Variants in SLC13A3 observed in about 807,000 individuals in gnomAD.
SLC13A3 encodes the protein solute carrier family 13 member 3.
SLC13A3 carries 40 observed loss-of-function variants against 59.0 expected under a neutral mutation model. The observed-to-expected ratio is 0.68, with a 90% CI of 0.53 to 0.88. The LOEUF (loss-of-function observed/expected upper bound fraction) is 0.88. Among genes scored for constraint, SLC13A3 ranks in the 40% least tolerant of loss-of-function variants. SLC13A3 has a pLI of 0.00. For synonymous variants in SLC13A3, 317 were observed against 330.3 expected, an observed-to-expected ratio of 0.96 and a Z score of 0.44; for missense variants, 699 against 783.2, an observed-to-expected ratio of 0.89 and a Z score of 1.28.
chr20:46,565,843 G>A (rs1378015166), intron 11 of SLC13A3, among the ~76,000 whole-genome samples: 29 of 152,202 alleles, frequency 1.9e-4, no homozygotes, highest in Non-Finnish European at 2.9e-5. Flanking sequence ...ACTATCAACA[G>A]TGTTGAAACC....
upstream of SLC13A3, among the ~76,000 whole-genome samples, chr20:46,654,431 C>T (rs1002272592): frequency 6.6e-6 from 1 of 152,110 alleles, no homozygotes; most frequent in Non-Finnish European, 1.5e-5. Flanking sequence ...ACTTCATGCC[C>T]CTTTGCCTTA....
chr20:46,651,539 C>A, upstream of SLC13A3: 1 of 1,319,900 alleles, frequency 7.6e-7, no homozygotes, highest in Non-Finnish European at 9.6e-7. Flanking sequence ...CGCCCTCTCC[C>A]TGCTCCTCCT....
upstream of SLC13A3, among the ~76,000 whole-genome samples, chr20:46,655,255 G>T (rs982258882): frequency 2.7e-5 from 4 of 149,256 alleles, no homozygotes; most frequent in South Asian, 8.5e-4. Context: ...ATATACACAC[G>T]TATATACACA....
intron 9 of SLC13A3, among the ~76,000 whole-genome samples, chr20:46,579,342 C>A (rs1450345803): frequency 1.3e-5 from 2 of 152,148 alleles, no homozygotes; most frequent in Non-Finnish European, 2.9e-5. Context: ...CCAGGCTCTT[C>A]TTGAACTCCT....
chr20:46,661,034 T>C (rs1033914022), intron 1 of SLC13A3, among the ~76,000 whole-genome samples: 19 of 152,242 alleles, frequency 1.2e-4, no homozygotes, highest in African/African-American at 4.3e-4. Flanking sequence ...TGTTGTTCTT[T>C]AGATTCTTTC....
chr20:46,627,728 A>G (rs2062690065), intron 1 of SLC13A3, among the ~76,000 whole-genome samples: 1 of 152,156 alleles, frequency 6.6e-6, no homozygotes, highest in South Asian at 2.1e-4. Context: ...CCCTGCGGTA[A>G]TTAATGAAAA....
intron 8 of SLC13A3, chr20:46,584,628 A>AAT: frequency 2.5e-6 from 1 of 407,586 alleles, no homozygotes; most frequent in Non-Finnish European, 3.3e-6. Flanking sequence ...CCAACAGGCA[A>AAT]GACTTGAAAA....
chr20:46,659,979 C>A (rs949014134), intron 1 of SLC13A3, among the ~76,000 whole-genome samples: 14 of 152,100 alleles, frequency 9.2e-5, no homozygotes, highest in Non-Finnish European at 1.8e-4. Flanking sequence ...AATATTTACA[C>A]CATGAAATTA....
Position 46,592,493 on chromosome 20 carries a change from G to A in SLC13A3, c.831C>T (p.Ser277=). ...TAAGAGGGAAGGCGAAAATGAACCA[G>A]GAGCCGAAATTCACCACGTCACACT... ...FPQCDVVNFG[S]WFIFAFPLML... Residue 277 remains serine (S), a synonymous_variant, in exon 6 of 13, where the codon TCC becomes TCT. Transcript: ENST00000279027. The A allele has an allele frequency of 6.2e-7, 1 of 1,613,914 alleles. No individual in the cohort carries two copies. The highest frequency in any genetic ancestry group is 1.7e-4 in the Middle Eastern group (1 of 6,060).
chr20:46,622,633 T>C (rs1210373506), intron 1 of SLC13A3, among the ~76,000 whole-genome samples: 1,289 of 115,838 alleles, frequency 0.011, 19 homozygotes, highest in Non-Finnish European at 0.013. Context: ...TGTGTGTGTG[T>C]GTGTGTGTGT....
intron 1 of SLC13A3, among the ~76,000 whole-genome samples, chr20:46,636,128 A>C (rs1372234226): frequency 1.3e-5 from 2 of 152,208 alleles, no homozygotes; most frequent in African/African-American, 4.8e-5. Context: ...CCTGTGGAGT[A>C]GCCATTCTTT....
chr20:46,578,727 A>G (rs1389675651), intron 9 of SLC13A3, among the ~76,000 whole-genome samples: 5 of 152,130 alleles, frequency 3.3e-5, no homozygotes, highest in African/African-American at 9.7e-5. Flanking sequence ...AAGAAAAATA[A>G]AATAAGGTAA....
In SLC13A3 at chr20:46,600,005, G is replaced by A. The variant is rs1169908968; in HGVS notation, c.574C>T (p.Pro192Ser). Residue 192 changes from proline (P) to serine (S), a missense_variant, in exon 4 of 13, where the codon CCC becomes TCC. Transcript: ENST00000279027. ...AVRRNGLHTV[P>S]TEMQFLASTE... ...CTGGCGAGAAACTGCATCTCCGTGG[G>A]CACAGTGTGTAGGCCGTTTCTCCGC... 3.1e-6 allele frequency: 5 copies of A among 1,590,356 alleles called. No homozygotes were observed. Among genetic ancestry groups the A allele is most frequent in the East Asian group, 2.3e-5 (1 of 44,128 alleles).
rs1041951755 is a variant in SLC13A3, at chr20:46,651,357, A to C, written c.65T>G (p.Phe22Cys). The C allele has an allele frequency of 2.0e-6, 3 of 1,514,118 alleles. No individual in the cohort carries two copies. The highest frequency in any genetic ancestry group is 2.6e-6 in the Non-Finnish European group (3 of 1,133,902). 93.8% of individuals were successfully genotyped at this position (1,514,118 alleles called of 1,614,324 possible). ...WSARRLLVLL[F>C]TPLALLPVVF... is the part of the protein sequence containing the mutation. ...CACCGGCAGCAGCGCGAGCGGCGTGAACAGCAGCACCAGCAGCCGCCGCGC... is the reference window on the plus strand; with the variant it reads ...CACCGGCAGCAGCGCGAGCGGCGTGCACAGCAGCACCAGCAGCCGCCGCGC... Residue 22 changes from phenylalanine (F) to cysteine (C), a missense_variant, in exon 1 of 13, where the codon TTC becomes TGC. Physicochemically the swap from Phe to Cys is radical, Grantham distance 205. Coordinates refer to ENST00000279027, the MANE Select transcript of SLC13A3 (RefSeq NM_022829.6).
intron 9 of SLC13A3, among the ~76,000 whole-genome samples, chr20:46,577,540 G>A (rs1406934038): frequency 1.3e-5 from 2 of 149,984 alleles, no homozygotes; most frequent in African/African-American, 5.1e-5. Flanking sequence ...TGGGACTGGG[G>A]AAGGAAGAAA....
chr20:46,618,930 C>A (rs930697183), intron 1 of SLC13A3, among the ~76,000 whole-genome samples: 27 of 152,160 alleles, frequency 1.8e-4, no homozygotes, highest in African/African-American at 6.5e-4. Context: ...ACTTCAGTTG[C>A]CTTTCAGTGG....
At chr20:46,674,596 CGCGCGCGCGTGTGT>C (rs1403980296), upstream of SLC13A3, among the ~76,000 whole-genome samples, 1 of 70,372 alleles carries the variant, frequency 1.4e-5, no homozygotes, top group African/African-American at 4.6e-5. Context: ...AGTGCGCGCG[CGCGCGCGCGTGTGT>C]GTGTGTGTGT....
intron 1 of SLC13A3, among the ~76,000 whole-genome samples, chr20:46,629,942 C>A (rs896500471): frequency 4.6e-5 from 7 of 152,150 alleles, no homozygotes; most frequent in Non-Finnish European, 8.8e-5. Flanking sequence ...CTCATGCTCT[C>A]TTTTTGGCAG....
chr20:46,662,927 A>G (rs1233975369), intron 1 of SLC13A3, among the ~76,000 whole-genome samples: 1 of 152,246 alleles, frequency 6.6e-6, no homozygotes, highest in Non-Finnish European at 1.5e-5. Context: ...ATATGAATTT[A>G]TAAGTCTTAT....
Sources: gnomAD v4.1 joint callset for allele counts (sites outside exome capture counted in the v4.1 genomes callset) on GRCh38, gnomAD v4.1.1 for gene constraint, MANE v1.5 for transcripts, NCBI Gene and HGNC (gene_info 2026-07-23, HGNC 2026-07-21) for gene names.